The following CHCHD3 variants were observed in gnomAD, a reference collection of about 807,000 sequenced individuals.
The protein encoded by CHCHD3 is MICOS complex subunit MIC19.
CHCHD3 carries 20 observed loss-of-function variants against 38.2 expected under a neutral mutation model. That is an observed-to-expected ratio of 0.52 (90% confidence interval 0.37 to 0.76). The LOEUF (loss-of-function observed/expected upper bound fraction) is 0.76. CHCHD3 is among the 30% of genes least tolerant of loss of function. CHCHD3 has a pLI of 0.00. For missense variants in CHCHD3, 245 were observed against 279.2 expected (o/e 0.88, Z 0.87); for synonymous variants, 82 against 100.0 (o/e 0.82, Z 1.07).
At chr7:132,976,875 T>C (rs1646269500) in intron 3 of CHCHD3, among the ~76,000 whole-genome samples, 1 of 152,062 alleles carries the variant, frequency 6.6e-6, no homozygotes, top group Admixed American at 6.6e-5. Flanking sequence ...TTGTGAGATA[T>C]ATTCCAAAGT....
intron 4 of CHCHD3, among the ~76,000 whole-genome samples, chr7:132,906,750 A>G: frequency 6.6e-6 from 1 of 152,186 alleles, no homozygotes. Flanking sequence ...GTCTTTGCAG[A>G]AAGCTATCTT....
intron 6 of CHCHD3, among the ~76,000 whole-genome samples, chr7:132,820,542 C>T (rs2117066614): frequency 6.6e-6 from 1 of 151,940 alleles, no homozygotes; most frequent in Non-Finnish European, 1.5e-5. Context: ...ATTGAGTTAG[C>T]CCAGGCTTTT....
chr7:132,914,684 C>G (rs987767640), intron 4 of CHCHD3, among the ~76,000 whole-genome samples: 7 of 152,148 alleles, frequency 4.6e-5, no homozygotes, highest in Admixed American at 2.0e-4. Flanking sequence ...GGGTGCCGCT[C>G]TGGCAGACCC....
intron 2 of CHCHD3, among the ~76,000 whole-genome samples, chr7:133,037,170 T>A (rs995775286): frequency 3.3e-5 from 5 of 152,232 alleles, no homozygotes; most frequent in Admixed American, 6.5e-5. Flanking sequence ...GTAAAATTGA[T>A]GTTGATCAAG....
At chr7:133,074,847 G>A (rs1046996904) in intron 1 of CHCHD3, among the ~76,000 whole-genome samples, 10 of 152,098 alleles carry the variant, frequency 6.6e-5, no homozygotes, top group Admixed American at 5.9e-4. Flanking sequence ...TTCTGTGGAG[G>A]GATTTTAGTG....
chr7:132,904,734 T>C (rs560142979), intron 4 of CHCHD3, among the ~76,000 whole-genome samples: 91 of 152,222 alleles, frequency 6.0e-4, no homozygotes, highest in Admixed American at 2.6e-3. Flanking sequence ...ATCCATCCCA[T>C]TCCTGGGTAT....
chr7:132,922,640 C>T (rs1251615320), intron 4 of CHCHD3, among the ~76,000 whole-genome samples: 2 of 151,846 alleles, frequency 1.3e-5, no homozygotes, highest in Non-Finnish European at 2.9e-5. Context: ...CTTTGAAAGG[C>T]GTAAGTCATA....
intron 5 of CHCHD3, among the ~76,000 whole-genome samples, chr7:132,847,611 AT>A (rs1417844458): frequency 6.6e-6 from 1 of 152,162 alleles, no homozygotes; most frequent in Non-Finnish European, 1.5e-5. Flanking sequence ...GCCATTTTCC[AT>A]TTTCAGAAAG....
intron 4 of CHCHD3, among the ~76,000 whole-genome samples, 196 bp from the exon 5 acceptor site, chr7:132,885,941 T>C (rs1446371074): frequency 6.6e-6 from 1 of 152,208 alleles, no homozygotes; most frequent in African/African-American, 2.4e-5. Context: ...TTGTATTTTT[T>C]TTCCCGCTGT....
At chr7:132,930,548 G>A (rs947746513) in intron 4 of CHCHD3, among the ~76,000 whole-genome samples, 1 of 152,158 alleles carries the variant, frequency 6.6e-6, no homozygotes, top group African/African-American at 2.4e-5. Flanking sequence ...AACAATCCTC[G>A]AATGCAGAGT....
At chr7:132,910,298 C>A (rs1339192513) in intron 4 of CHCHD3, among the ~76,000 whole-genome samples, 1 of 152,168 alleles carries the variant, frequency 6.6e-6, no homozygotes. Context: ...ATAGTGCCTG[C>A]AACTCCATAA....
At chr7:132,864,196 T>C (rs1290886779) in intron 5 of CHCHD3, among the ~76,000 whole-genome samples, 8 of 152,216 alleles carry the variant, frequency 5.3e-5, no homozygotes, top group African/African-American at 1.7e-4. Flanking sequence ...TGTGTGACTC[T>C]TCCTTTCAAT....
At chr7:132,969,829 C>A (rs2117322602) in intron 4 of CHCHD3, among the ~76,000 whole-genome samples, 1 of 152,292 alleles carries the variant, frequency 6.6e-6, no homozygotes, top group East Asian at 1.9e-4. Flanking sequence ...AAACCCTAAA[C>A]CCCATGACTG....
intron 4 of CHCHD3, among the ~76,000 whole-genome samples, chr7:132,901,111 G>A (rs1481731215): frequency 6.6e-6 from 1 of 152,204 alleles, no homozygotes; most frequent in South Asian, 2.1e-4. Flanking sequence ...AAGTACAACA[G>A]AACACTCAGC....
intron 2 of CHCHD3, among the ~76,000 whole-genome samples, chr7:133,069,915 C>A (rs1814770047): frequency 1.3e-5 from 2 of 152,042 alleles, no homozygotes; most frequent in African/African-American, 4.8e-5. Flanking sequence ...GTAGAGGATT[C>A]AAGAGTGGGA....
At chr7:132,837,079 G>C (rs1451089625) in intron 6 of CHCHD3, among the ~76,000 whole-genome samples, 2 of 152,006 alleles carry the variant, frequency 1.3e-5, no homozygotes, top group Non-Finnish European at 2.9e-5. Flanking sequence ...CTTCTTAAAG[G>C]CTCAACTAAA....
chr7:133,028,179 G>A (rs182689349), intron 2 of CHCHD3, among the ~76,000 whole-genome samples: 10 of 152,206 alleles, frequency 6.6e-5, no homozygotes, highest in Admixed American at 3.3e-4. Context: ...ACAGTCAAAT[G>A]GTATATGTAA....
intron 5 of CHCHD3, among the ~76,000 whole-genome samples, chr7:132,869,117 A>G (rs985631995): frequency 6.6e-6 from 1 of 152,198 alleles, no homozygotes; most frequent in African/African-American, 2.4e-5. Flanking sequence ...TAAAAATTCC[A>G]GAAGACATGC....
intron 4 of CHCHD3, among the ~76,000 whole-genome samples, chr7:132,927,168 T>C (rs532339195): frequency 7.9e-4 from 121 of 152,340 alleles, no homozygotes; most frequent in Non-Finnish European, 5.7e-4. Flanking sequence ...ACAATACATA[T>C]TAGCTCATTG....
Sources: gnomAD v4.1 joint callset for allele counts (sites outside exome capture counted in the v4.1 genomes callset) on GRCh38, gnomAD v4.1.1 for gene constraint, MANE v1.5 for transcripts, NCBI Gene and HGNC (gene_info 2026-07-23, HGNC 2026-07-21) for gene names.